The following MEF2A variants were observed in gnomAD, a reference collection of about 807,000 sequenced individuals.
MEF2A encodes the protein myocyte enhancer factor 2A.
Under a neutral mutation model 55.8 loss-of-function variants are expected in MEF2A, and 28 were observed. The ratio of observed to expected loss-of-function variants is 0.50; its 90% CI spans 0.37 to 0.69. The LOEUF is 0.69. MEF2A is among the 30% of genes least tolerant of loss of function. The probability of loss-of-function intolerance (pLI) is 0.00; values close to 1 mark genes in which losing one functional copy is unlikely to be tolerated. For missense variants in MEF2A, 528 were observed against 626.2 expected (o/e 0.84, Z 1.67); for synonymous variants, 239 against 227.1 (o/e 1.05, Z -0.47).
chr15:99,603,975 C>G (rs1974213628), intron 2 of MEF2A, among the ~76,000 whole-genome samples: 1 of 152,096 alleles, frequency 6.6e-6, no homozygotes, highest in Non-Finnish European at 1.5e-5. Context: ...TGAATTAGGT[C>G]TTTGTCACTA....
intron 4 of MEF2A, among the ~76,000 whole-genome samples, chr15:99,656,229 AATG>A (rs2047682410): frequency 6.6e-6 from 1 of 152,088 alleles, no homozygotes; most frequent in Non-Finnish European, 1.5e-5. Context: ...TAACACTGGA[AATG>A]ATAACTTTAT....
intron 3 of MEF2A, among the ~76,000 whole-genome samples, chr15:99,634,688 G>A (rs1383897302): frequency 6.6e-6 from 1 of 152,216 alleles, no homozygotes; most frequent in Middle Eastern, 3.4e-3. Flanking sequence ...TGTAGGTGAC[G>A]GTAATGGAAC....
At chr15:99,651,054 G>C (rs2046768714) in intron 4 of MEF2A, among the ~76,000 whole-genome samples, 1 of 152,140 alleles carries the variant, frequency 6.6e-6, no homozygotes, top group African/African-American at 2.4e-5. Flanking sequence ...AGCACAAACT[G>C]TAATTTTTTA....
intron 3 of MEF2A, among the ~76,000 whole-genome samples, chr15:99,633,435 T>C (rs1432458096): frequency 6.6e-6 from 1 of 152,150 alleles, no homozygotes; most frequent in Non-Finnish European, 1.5e-5. Flanking sequence ...TACCAATCCA[T>C]TGTATAGATT....
intron 9 of MEF2A, among the ~76,000 whole-genome samples, chr15:99,705,604 A>T (rs1010181507): frequency 6.6e-6 from 1 of 152,242 alleles, no homozygotes; most frequent in South Asian, 2.1e-4. Context: ...TAGGTTAGAA[A>T]GTAGAAATTA....
At chr15:99,652,901 T>C (rs1355746681) in intron 4 of MEF2A, among the ~76,000 whole-genome samples, 2 of 152,238 alleles carry the variant, frequency 1.3e-5, no homozygotes, top group Admixed American at 1.3e-4. Flanking sequence ...ACACTGGGAA[T>C]ATAGTGGTAA....
chr15:99,617,806 G>A (rs2040458991), intron 2 of MEF2A, among the ~76,000 whole-genome samples: 1 of 152,028 alleles, frequency 6.6e-6, no homozygotes, highest in Non-Finnish European at 1.5e-5. Flanking sequence ...CTGTGTTTAT[G>A]CCTGTGGGGG....
In MEF2A at chr15:99,667,334, C is replaced by T. The variant is rs570232834; in HGVS notation, c.259-3989C>T. On this transcript the variant is annotated intron_variant, in intron 4 of 11. Coordinates refer to ENST00000557942, the MANE Select transcript of MEF2A (RefSeq NM_001319206.4). ...CTCCCGGGTTTACGCCATTCTCCTGCCTCAGCCTCCCGAGTAGCTGGGACT... is the reference window on the plus strand; with the variant it reads ...CTCCCGGGTTTACGCCATTCTCCTGTCTCAGCCTCCCGAGTAGCTGGGACT... Among the ~76,000 whole-genome samples the T allele has an allele frequency of 2.0e-5, 3 of 152,272 alleles. No individual in the cohort carries two copies. In the East Asian group the frequency reaches 5.8e-4, roughly 29 times the overall value.
intron 2 of MEF2A, among the ~76,000 whole-genome samples, chr15:99,615,430 GT>G (rs1233803573): frequency 1.2e-4 from 18 of 152,278 alleles, no homozygotes; most frequent in African/African-American, 3.9e-4. Context: ...TTATTTTACA[GT>G]TTTTAATATT....
At chr15:99,603,543 T>TTGTGTGTGTGTGTGTGTGTG (rs1300288383) in intron 2 of MEF2A, among the ~76,000 whole-genome samples, 2,269 of 126,418 alleles carry the variant, frequency 0.018, 49 homozygotes, top group South Asian at 0.022. Context: ...CTGGCTGATT[T>TTGTGTGTGTGTGTGTGTGTG]TGTGTGTGTG....
At chr15:99,646,207 G>A (rs1165713161) in intron 4 of MEF2A, among the ~76,000 whole-genome samples, 2 of 151,918 alleles carry the variant, frequency 1.3e-5, no homozygotes, top group African/African-American at 4.8e-5. Context: ...GTTTTAGTTG[G>A]GCAACAGGAG....
chr15:99,659,993 C>G (rs1405097348), intron 4 of MEF2A, among the ~76,000 whole-genome samples: 2 of 152,132 alleles, frequency 1.3e-5, no homozygotes, highest in East Asian at 1.9e-4. Context: ...GGAAGTAATT[C>G]CAGTATTTCA....
chr15:99,608,705 G>A lies in MEF2A; in HGVS notation c.-143+10194G>A, dbSNP rs181584851. Among the ~76,000 whole-genome samples the A allele has an allele frequency of 1.2e-4, 18 of 152,256 alleles. No homozygotes were observed. In the East Asian group the frequency reaches 3.5e-3, roughly 29 times the overall value. ...CCTGAGGTCAGGAGTTTGAGACCCAGCCTGGCCAACATGGTGAAACCCCAT... is the reference window on the plus strand; with the variant it reads ...CCTGAGGTCAGGAGTTTGAGACCCAACCTGGCCAACATGGTGAAACCCCAT... On this transcript the variant is annotated intron_variant, in intron 2 of 11. Coordinates refer to ENST00000557942, the MANE Select transcript of MEF2A (RefSeq NM_001319206.4).
chr15:99,694,311 C>T (rs978861257), intron 8 of MEF2A, among the ~76,000 whole-genome samples: 6 of 152,176 alleles, frequency 3.9e-5, no homozygotes, highest in Non-Finnish European at 4.4e-5. Context: ...CCGTTTTCAT[C>T]ACATCATATC....
chr15:99,607,864 T>C lies in MEF2A; in HGVS notation c.-143+9353T>C, dbSNP rs145457402. Among the ~76,000 whole-genome samples, 558 of 152,332 alleles carry C rather than the reference T, an allele frequency of 3.7e-3. 12 individuals are homozygous for C. Among genetic ancestry groups the C allele is most frequent in the Non-Finnish European group, 6.9e-4 (47 of 68,030 alleles). Reference sequence around the variant, plus strand: ...GCAGTTTACAAAGTCTCCTTTCTAATGATTTTCGTAATACTATGCTTATCT... The same window carrying C: ...GCAGTTTACAAAGTCTCCTTTCTAACGATTTTCGTAATACTATGCTTATCT... On this transcript the variant is annotated intron_variant, in intron 2 of 11. Coordinates refer to ENST00000557942, the MANE Select transcript of MEF2A (RefSeq NM_001319206.4).
intron 4 of MEF2A, among the ~76,000 whole-genome samples, chr15:99,671,045 G>C (rs1005272378): frequency 1.3e-5 from 2 of 152,212 alleles, no homozygotes; most frequent in African/African-American, 4.8e-5. Flanking sequence ...AGTTTTAACT[G>C]TGAGAGCAGT....
rs919428393 is a variant in MEF2A at position 99,690,324 on chromosome 15, A to G, written c.754A>G (p.Lys252Glu). The G allele has an allele frequency of 6.2e-6, 10 of 1,613,554 alleles. No homozygotes were observed. Among genetic ancestry groups the G allele is most frequent in the Non-Finnish European group, 8.5e-6 (10 of 1,179,808 alleles). ...TAGCTTAGGCAAAGTCATGCCTACAAAGTCTCCCCCTCCACCAGGTGGTGG... is the reference window on the plus strand; with the variant it reads ...TAGCTTAGGCAAAGTCATGCCTACAGAGTCTCCCCCTCCACCAGGTGGTGG... ...ANSLGKVMPT[K>E]SPPPPGGGNL... Residue 252 changes from lysine (K) to glutamate (E), a missense_variant, in exon 8 of 12, where the codon AAG becomes GAG. Physicochemically the swap from Lys to Glu is moderately conservative, Grantham distance 56 (BLOSUM62 1). Coordinates refer to ENST00000557942, the MANE Select transcript of MEF2A (RefSeq NM_001319206.4).
At chr15:99,574,440 A>G (rs1963605158) in intron 1 of MEF2A, among the ~76,000 whole-genome samples, 1 of 152,198 alleles carries the variant, frequency 6.6e-6, no homozygotes, top group Non-Finnish European at 1.5e-5. Context: ...GTGATGAAAT[A>G]CTTATACAAC....
intron 2 of MEF2A, among the ~76,000 whole-genome samples, chr15:99,599,298 T>C (rs1358675513): frequency 2.6e-5 from 4 of 152,158 alleles, no homozygotes; most frequent in African/African-American, 9.6e-5. Context: ...TGCAGTGTGT[T>C]ATAATAAGTT....
Sources: gnomAD v4.1 joint callset for allele counts (sites outside exome capture counted in the v4.1 genomes callset) on GRCh38, gnomAD v4.1.1 for gene constraint, MANE v1.5 for transcripts, NCBI Gene and HGNC (gene_info 2026-07-23, HGNC 2026-07-21) for gene names.